The following LRMDA variants were observed in gnomAD, a reference collection of about 807,000 sequenced individuals.
LRMDA encodes the protein leucine rich melanocyte differentiation associated.
LRMDA carries 18 observed loss-of-function variants against 29.8 expected under a neutral mutation model. The ratio of observed to expected loss-of-function variants is 0.60; its 90% CI spans 0.42 to 0.90. LRMDA has a LOEUF of 0.90. LRMDA is among the 40% of genes least tolerant of loss of function. LRMDA has a pLI of 0.00. For missense variants in LRMDA, 273 were observed against 273.9 expected, an observed-to-expected ratio of 1.00 and a Z score of 0.02; for synonymous variants, 125 against 109.4, an observed-to-expected ratio of 1.14 and a Z score of -0.89.
intron 5 of LRMDA, among the ~76,000 whole-genome samples, chr10:76,173,335 A>C (rs1850872023): frequency 6.6e-6 from 1 of 152,218 alleles, no homozygotes. Context: ...GAAGAAAAAA[A>C]ATAAAGGTAC....
At chr10:76,462,603 A>G (rs1423933036) in intron 6 of LRMDA, among the ~76,000 whole-genome samples, 1 of 152,146 alleles carries the variant, frequency 6.6e-6, no homozygotes, top group Non-Finnish European at 1.5e-5. Context: ...TCCCATAGGT[A>G]CACAGTTCTT....
intron 2 of LRMDA, among the ~76,000 whole-genome samples, chr10:75,951,296 G>A (rs574668055): frequency 6.6e-6 from 1 of 152,146 alleles, no homozygotes; most frequent in Non-Finnish European, 1.5e-5. Flanking sequence ...GGTGGTGGGC[G>A]GTAGCAGGCA....
chr10:76,186,620 G>A (rs996540759), intron 5 of LRMDA, among the ~76,000 whole-genome samples: 6 of 152,190 alleles, frequency 3.9e-5, no homozygotes, highest in African/African-American at 1.4e-4. Flanking sequence ...TCACTTCTTG[G>A]AGCCATTAGG....
chr10:76,523,883 C>T (rs1843147243), intron 6 of LRMDA, among the ~76,000 whole-genome samples: 1 of 152,174 alleles, frequency 6.6e-6, no homozygotes, highest in Non-Finnish European at 1.5e-5. Flanking sequence ...TATTTGTATG[C>T]AGCACAAATT....
chr10:75,594,475 C>G (rs553389341), intron 2 of LRMDA, among the ~76,000 whole-genome samples: 5 of 152,312 alleles, frequency 3.3e-5, no homozygotes, highest in Admixed American at 3.3e-4. Context: ...AAAGTGCTGC[C>G]TTTTCTTCTT....
At chr10:75,718,945 T>G (rs1316341878) in intron 2 of LRMDA, among the ~76,000 whole-genome samples, 3 of 152,222 alleles carry the variant, frequency 2.0e-5, no homozygotes, top group Non-Finnish European at 4.4e-5. Context: ...TCCTGGGTCT[T>G]AGTTGTTAAT....
chr10:76,170,057 A>G (rs937940710), intron 5 of LRMDA, among the ~76,000 whole-genome samples: 1 of 152,188 alleles, frequency 6.6e-6, no homozygotes, highest in African/African-American at 2.4e-5. Flanking sequence ...GGATTGGACT[A>G]CAGACTTTGA....
intron 5 of LRMDA, among the ~76,000 whole-genome samples, chr10:76,103,455 G>A (rs1354151643): frequency 6.6e-6 from 1 of 152,172 alleles, no homozygotes; most frequent in Non-Finnish European, 1.5e-5. Flanking sequence ...TTCTCTCACA[G>A]TAGATGCAGC....
intron 2 of LRMDA, among the ~76,000 whole-genome samples, chr10:75,924,891 G>A (rs1846092876): frequency 6.6e-6 from 1 of 152,096 alleles, no homozygotes; most frequent in Non-Finnish European, 1.5e-5. Context: ...TGAGGGGCTG[G>A]GGTTTCTCTG....
chr10:75,722,178 A>G (rs1391226254), intron 2 of LRMDA, among the ~76,000 whole-genome samples: 2 of 152,150 alleles, frequency 1.3e-5, no homozygotes, highest in African/African-American at 4.8e-5. Context: ...CCACTAATCC[A>G]TCCTAGGGCC....
chr10:75,962,131 G>A (rs1464004023), intron 2 of LRMDA, among the ~76,000 whole-genome samples: 1 of 152,212 alleles, frequency 6.6e-6, no homozygotes, highest in Non-Finnish European at 1.5e-5. Flanking sequence ...GTTACATTCT[G>A]AGGTACCAGG....
At chr10:76,080,185 C>G (rs989421139) in intron 5 of LRMDA, among the ~76,000 whole-genome samples, 1 of 152,170 alleles carries the variant, frequency 6.6e-6, no homozygotes, top group African/African-American at 2.4e-5. Context: ...CCTTCGGTGC[C>G]CAACTCAGAT....
intron 2 of LRMDA, among the ~76,000 whole-genome samples, chr10:75,619,044 A>G (rs1180666923): frequency 6.6e-6 from 1 of 151,978 alleles, no homozygotes; most frequent in Non-Finnish European, 1.5e-5. Context: ...TGATCTGCCC[A>G]CCTCGGCCTC....
At chr10:76,297,171 T>C (rs1335444164) in intron 5 of LRMDA, among the ~76,000 whole-genome samples, 1 of 152,210 alleles carries the variant, frequency 6.6e-6, no homozygotes, top group Non-Finnish European at 1.5e-5. Flanking sequence ...TTAATCTCAA[T>C]TGATTGATGA....
At chr10:76,165,464 G>A (rs549309858) in intron 5 of LRMDA, among the ~76,000 whole-genome samples, 1 of 152,164 alleles carries the variant, frequency 6.6e-6, no homozygotes, top group East Asian at 1.9e-4. Context: ...TAGAGACGGG[G>A]TTTCACCATT....
At chr10:76,265,730 A>T (rs73289005) in intron 5 of LRMDA, among the ~76,000 whole-genome samples, 1 of 152,126 alleles carries the variant, frequency 6.6e-6, no homozygotes, top group African/African-American at 2.4e-5. Flanking sequence ...TCAGCTTTCC[A>T]TGTGTGTTGG....
intron 5 of LRMDA, among the ~76,000 whole-genome samples, chr10:76,099,768 GTAA>G (rs1309097573): frequency 6.6e-6 from 1 of 152,032 alleles, no homozygotes; most frequent in Non-Finnish European, 1.5e-5. Context: ...TAAACCAATA[GTAA>G]TAATAATAAT....
At chr10:76,448,138 A>G (rs1306196864) in intron 6 of LRMDA, among the ~76,000 whole-genome samples, 3 of 152,202 alleles carry the variant, frequency 2.0e-5, no homozygotes, top group South Asian at 2.1e-4. Context: ...ATATAACTGC[A>G]TAAAATAATT....
intron 6 of LRMDA, among the ~76,000 whole-genome samples, chr10:76,411,388 G>A (rs1475590035): frequency 2.0e-5 from 3 of 152,142 alleles, no homozygotes; most frequent in Admixed American, 1.3e-4. Flanking sequence ...CCTAGTGCCA[G>A]TTCTGTACAA....
Sources: allele counts gnomAD v4.1 joint callset (sites outside exome capture counted in the v4.1 genomes callset), GRCh38; gene constraint gnomAD v4.1.1; transcripts MANE v1.5; gene names NCBI Gene and HGNC (gene_info 2026-07-23, HGNC 2026-07-21).